Variants in CA7 observed in about 807,000 individuals in gnomAD.
CA7 encodes carbonic anhydrase 7.
CA7 carries 13 observed loss-of-function variants against 31.4 expected under a neutral mutation model. That is an observed-to-expected ratio of 0.41 (90% CI 0.27 to 0.66). CA7 has a LOEUF of 0.66. CA7 is among the 30% of genes least tolerant of loss of function. The pLI, the probability that CA7 is intolerant of heterozygous loss-of-function variation, is 0.28. For synonymous variants in CA7, 128 were observed against 133.2 expected (o/e 0.96, Z 0.27); for missense variants, 215 against 351.0 (o/e 0.61, Z 3.10).
chr16:66,853,590 G>C lies in CA7; in HGVS notation c.*92G>C. On this transcript the variant is annotated 3_prime_UTR_variant, in exon 7 of 7. Transcript: ENST00000338437. The surrounding 1 kb of genome is among the most constrained non-coding windows in gnomAD (Gnocchi z 4.5). ...CAAACCATCTGAGGCTTCCTCCCTG[G>C]GGGGTGCTGGGGACCCTCCTTCAGC... 6.5e-7 allele frequency: 1 copy of C among 1,527,004 alleles called. No individual in the cohort carries two copies. Among genetic ancestry groups the C allele is most frequent in the Non-Finnish European group, 8.9e-7 (1 of 1,128,594 alleles). 94.6% of individuals were successfully genotyped at this position (1,527,004 alleles called of 1,614,324 possible).
At chr16:66,851,373 C>T in intron 3 of CA7, 90 bp from the exon 4 acceptor site, 1 of 1,067,344 alleles carries the variant, frequency 9.4e-7, no homozygotes, top group Non-Finnish European at 1.5e-6. Context: ...TGCAAAGAGG[C>T]CAGGGGTCTG....
chr16:66,849,777 T>A (rs1423498056), intron 2 of CA7, among the ~76,000 whole-genome samples: 1 of 152,130 alleles, frequency 6.6e-6, no homozygotes, highest in Non-Finnish European at 1.5e-5. Context: ...ATTTCTGCCC[T>A]GGCCCAGCTC....
At chr16:66,847,399 T>C (rs1267305770) in intron 2 of CA7, among the ~76,000 whole-genome samples, 172 bp downstream of exon 2, 3 of 152,196 alleles carry the variant, frequency 2.0e-5, no homozygotes, top group Admixed American at 6.5e-5. Flanking sequence ...GTGAGAGCAA[T>C]AAGACCTACC....
intron 1 of CA7, chr16:66,845,241 G>A (rs1375973642): frequency 1.0e-6 from 1 of 985,296 alleles, no homozygotes; most frequent in African/African-American, 1.7e-5. Context: ...GAAGGTGAGA[G>A]CCAGACGGCT....
Position 66,854,042 on chromosome 16 carries a change from C to T in CA7, c.*544C>T, listed in dbSNP as rs1179482811. 6.4e-6 allele frequency: 1 copy of T among 156,812 alleles called. No homozygotes were observed. Among genetic ancestry groups the T allele is most frequent in the Non-Finnish European group, 1.4e-5 (1 of 70,298 alleles). The allele number at this position is 156,812 out of a possible 1,614,324, so 9.7% of individuals were successfully genotyped here. Reference sequence around the variant, plus strand: ...ACCTGCTGCCACGGGCAGGCCCTGGCTATAGCTTATACAGTATCTCCCCTT... The same window carrying T: ...ACCTGCTGCCACGGGCAGGCCCTGGTTATAGCTTATACAGTATCTCCCCTT... On this transcript the variant is annotated 3_prime_UTR_variant, in exon 7 of 7. Transcript: ENST00000338437.
rs1321767369 is a variant in CA7, at chr16:66,853,268, G to C, written c.673-108G>C. 7.3e-7 allele frequency: 1 copy of C among 1,368,194 alleles called. No individual in the cohort carries two copies. The highest frequency in any genetic ancestry group is 1.4e-5 in the African/African-American group (1 of 69,974). 84.8% of individuals were successfully genotyped at this position (1,368,194 alleles called of 1,614,324 possible). A position where few individuals can be genotyped will look rare whatever the true frequency, so the allele number is the denominator to read the frequency against. The stretch of plus-strand genomic sequence containing the variant: ...TAGGGACAGACCCTAAGGGAAGGAG[G>C]AGGGAGGGGTAGAGCTGGCTGGGCA... On this transcript the variant is annotated intron_variant, in intron 6 of 6. Transcript: ENST00000338437. The surrounding 1 kb of genome is among the most constrained non-coding windows in gnomAD (Gnocchi z 4.5).
chr16:66,851,622 A>G (rs767656521), intron 4 of CA7, 42 bp from the exon 5 acceptor site: 5 of 1,613,400 alleles, frequency 3.1e-6, no homozygotes, highest in Non-Finnish European at 8.5e-7. Flanking sequence ...CTAGTTCTAG[A>G]ACACAGTGGG....
chr16:66,845,273 C>T (rs1189418486), intron 1 of CA7: 18 of 885,182 alleles, frequency 2.0e-5, no homozygotes, highest in Non-Finnish European at 2.4e-5. Flanking sequence ...CTGGGGCAGT[C>T]AATTCCCTTT....
Position 66,853,485 on chromosome 16 carries a change from C to A in CA7, c.782C>A (p.Ser261Tyr). The A allele has an allele frequency of 6.2e-7, 1 of 1,614,092 alleles. No individual in the cohort carries two copies. The highest frequency in any genetic ancestry group is 8.5e-7 in the Non-Finnish European group (1 of 1,180,026). ...CTGAAGGGCCGCGTGGTAAAGGCCT[C>A]CTTCCGGGCCTGAGCTGCCCATCTG... ...QPLKGRVVKA[S>Y]FRA The change falls in exon 7 of 7, where the codon TCC becomes TAC. Residue 261 changes from serine to tyrosine, a missense_variant. By Grantham distance (144) the Ser-to-Tyr change is moderately radical. Transcript: ENST00000338437. The surrounding 1 kb of genome is among the most constrained non-coding windows in gnomAD (Gnocchi z 4.5).
At position 66,850,539 on chromosome 16, in the gene CA7, A is replaced by G; in HGVS notation, c.239-2A>G. 6.4e-7 allele frequency: 1 copy of G among 1,569,454 alleles called. No homozygotes were observed. The highest frequency in any genetic ancestry group is 8.8e-7 in the Non-Finnish European group (1 of 1,139,282). The stretch of plus-strand genomic sequence containing the variant: ...TGCCACTCGCCCCACTTCTACCCAC[A>G]GTGGTGACTGGGGGCCCCCTGGAAG... On this transcript the variant is annotated splice_acceptor_variant, in intron 2 of 6. Coordinates refer to ENST00000338437, the MANE Select transcript of CA7 (RefSeq NM_005182.3). LOFTEE classifies it high-confidence loss of function.
intron 2 of CA7, among the ~76,000 whole-genome samples, chr16:66,849,415 T>A (rs1046992176): frequency 1.3e-5 from 2 of 152,188 alleles, no homozygotes; most frequent in African/African-American, 4.8e-5. Context: ...GATTAGTGGC[T>A]TGGGCTTTGG....
chr16:66,845,032 T>TCGGC, intron 1 of CA7: 5 of 986,490 alleles, frequency 5.1e-6, no homozygotes, highest in Non-Finnish European at 6.0e-6. Context: ...AGCTGCCTTC[T>TCGGC]CGGCCGGTAC....
rs927767569 is a variant in CA7 at position 66,847,319 on chromosome 16, G to A, written c.238+92G>A. On this transcript the variant is annotated intron_variant, in intron 2 of 6. Transcript: ENST00000338437. The stretch of plus-strand genomic sequence containing the variant: ...GCAGTCTCAGGAAGCATGCTATGGT[G>A]GGTAAGAAAGGTTCCTCCTCTCACC... The A allele has an allele frequency of 4.5e-6, 5 of 1,120,734 alleles. No individual in the cohort carries two copies. The Admixed American group carries it at 5.9e-5, about 13-fold the overall frequency. 69.4% of individuals were successfully genotyped at this position (1,120,734 alleles called of 1,614,324 possible).
At chr16:66,850,842 C>A (rs1961030012) in intron 3 of CA7, among the ~76,000 whole-genome samples, 183 bp downstream of exon 3, 1 of 152,192 alleles carries the variant, frequency 6.6e-6, no homozygotes, top group Non-Finnish European at 1.5e-5. Flanking sequence ...ACCCTGTCCA[C>A]TGCTATCCTT....
chr16:66,851,507 G>A lies in CA7; in HGVS notation c.402G>A (p.Gly134=). 1.2e-6 allele frequency: 2 copies of A among 1,614,154 alleles called. No homozygotes were observed. Among genetic ancestry groups the A allele is most frequent in the Non-Finnish European group, 1.7e-6 (2 of 1,180,016 alleles). Residue 134 remains glycine, a synonymous_variant, in exon 4 of 7, where the codon GGG becomes GGA. Transcript: ENST00000338437. ...ATGCCAAGAAGTACAGCACTTTTGG[G>A]GAGGCGGCCTCAGCACCTGATGGCC... is the stretch of plus-strand genomic sequence containing the variant. ...HWNAKKYSTF[G]EAASAPDGLA... is the part of the protein sequence containing the mutation.
chr16:66,853,733 G>A lies in CA7; in HGVS notation c.*235G>A. On this transcript the variant is annotated 3_prime_UTR_variant, in exon 7 of 7. Coordinates refer to ENST00000338437, the MANE Select transcript of CA7 (RefSeq NM_005182.3). This position sits in a 1 kb window ranked among gnomAD's most constrained non-coding sequence, Gnocchi z 4.5. ...CTAAGCAGGGTCCAAGCCTGGGGCTGCCTCTGCTCTCCAAGACCCAAAGAC... is the reference window on the plus strand; with the variant it reads ...CTAAGCAGGGTCCAAGCCTGGGGCTACCTCTGCTCTCCAAGACCCAAAGAC... 8 of 532,142 alleles carry A rather than the reference G, an allele frequency of 1.5e-5. No individual in the cohort carries two copies. Among genetic ancestry groups the A allele is most frequent in the Non-Finnish European group, 2.7e-5 (8 of 300,492 alleles). The allele number at this position is 532,142 out of a possible 1,614,324, so 33.0% of individuals were successfully genotyped here. A position where few individuals can be genotyped will look rare whatever the true frequency, so the allele number is the denominator to read the frequency against.
Position 66,853,620 on chromosome 16 carries a change from T to G in CA7, c.*122T>G. 7.3e-7 allele frequency: 1 copy of G among 1,362,626 alleles called. No individual in the cohort carries two copies. The highest frequency in any genetic ancestry group is 1.0e-6 in the Non-Finnish European group (1 of 1,001,596). 84.4% of individuals were successfully genotyped at this position (1,362,626 alleles called of 1,614,324 possible). On this transcript the variant is annotated 3_prime_UTR_variant, in exon 7 of 7. Transcript: ENST00000338437. This position sits in a 1 kb window ranked among gnomAD's most constrained non-coding sequence, Gnocchi z 4.5. ...TGCTGGGGACCCTCCTTCAGCCAGT[T>G]TGCTCCTTGGTCACCCTGGAGGCTT...
chr16:66,852,205 G>A (rs542519309), intron 5 of CA7, among the ~76,000 whole-genome samples: 1 of 152,174 alleles, frequency 6.6e-6, no homozygotes, highest in Non-Finnish European at 1.5e-5. Flanking sequence ...GCTCATGCCT[G>A]TAATCCCAGC....
At chr16:66,849,323 C>A (rs150560113) in intron 2 of CA7, among the ~76,000 whole-genome samples, 2 of 152,268 alleles carry the variant, frequency 1.3e-5, no homozygotes, top group Non-Finnish European at 2.9e-5. Context: ...AAGGTAGAGA[C>A]CCTCAGGAGC....
Sources: allele counts gnomAD v4.1 joint callset (sites outside exome capture counted in the v4.1 genomes callset), GRCh38; gene constraint gnomAD v4.1.1; non-coding constraint Gnocchi (gnomAD v3.1); transcripts MANE v1.5; gene names NCBI Gene and HGNC (gene_info 2026-07-23, HGNC 2026-07-21).